Variants in ZNF564 observed in about 807,000 individuals in gnomAD.
ZNF564 encodes zinc finger protein 564.
In ZNF564, 5 loss-of-function variants were observed where a neutral mutation model predicts 10.5. The ratio of observed to expected loss-of-function variants is 0.48; its 90% CI spans 0.25 to 1.00. The LOEUF is 1.00. Among genes scored for constraint, ZNF564 ranks in the 50% least tolerant of loss-of-function variants. ZNF564 has a pLI of 0.16. For missense variants in ZNF564, 603 were observed against 669.7 expected, an observed-to-expected ratio of 0.90 and a Z score of 1.10; for synonymous variants, 242 against 218.1, an observed-to-expected ratio of 1.11 and a Z score of -0.97.
rs919091052 is a variant in ZNF564, at chr19:12,526,596, G to A, written c.1512C>T (p.Pro504=). ...TTTTTCCACATTGCTTACATTCATA[G>A]GGTTTTTCTCCGGTATGAGTTCTTT... ...IHERTHTGEK[P]YECKQCGKTF... Residue 504 remains proline (P), a synonymous_variant, in exon 4 of 4, where the codon CCC becomes CCT. Transcript: ENST00000339282. The A allele has an allele frequency of 3.7e-6, 6 of 1,614,092 alleles. No homozygotes were observed. Among genetic ancestry groups the A allele is most frequent in the Non-Finnish European group, 5.1e-6 (6 of 1,180,034 alleles).
intron 1 of ZNF564, among the ~76,000 whole-genome samples, chr19:12,542,238 G>A (rs1277292604): frequency 7.0e-6 from 1 of 142,950 alleles, no homozygotes; most frequent in Non-Finnish European, 1.5e-5. Flanking sequence ...GAACCGGGTA[G>A]GCAGAGGTTG....
In ZNF564 at chr19:12,531,193, CA is replaced by C. The variant is rs1221870650; in HGVS notation, c.4-2498del. Among the ~76,000 whole-genome samples, 57 of 152,226 alleles carry C rather than the reference CA, an allele frequency of 3.7e-4. 1 individual carries two copies. Among genetic ancestry groups the C allele is most frequent in the Non-Finnish European group, 1.5e-5 (1 of 68,004 alleles). On this transcript the variant is annotated intron_variant, in intron 1 of 3. Transcript: ENST00000339282. ...TGTAGCAGGAATAATGAATATCTAA[CA>C]ATGGTCAAAGTCTTCTGAAGAACAA...
intron 1 of ZNF564, among the ~76,000 whole-genome samples, chr19:12,542,161 T>A (rs958273697): frequency 2.0e-5 from 3 of 150,572 alleles, no homozygotes; most frequent in African/African-American, 7.3e-5. Flanking sequence ...ATACAAAAAT[T>A]AGCCGGGTAT....
Position 12,535,995 on chromosome 19 carries a change from G to C in ZNF564, c.4-7299C>G, listed in dbSNP as rs141816883. 9.7e-3 allele frequency among the ~76,000 whole-genome samples: 1,368 copies of C among 140,614 alleles called. 15 individuals carry two copies. The highest frequency in any genetic ancestry group is 0.084 in the Middle Eastern group (21 of 250). The allele number at this position is 140,614 out of a possible 152,430, so 92.2% of individuals were successfully genotyped here. A position where few individuals can be genotyped will look rare whatever the true frequency, so the allele number is the denominator to read the frequency against. The stretch of plus-strand genomic sequence containing the variant: ...GCGACTGCATTCCAGAGTGGCGACA[G>C]AGCGTGACTCCGTCTCAAAAAAAAA... On this transcript the variant is annotated intron_variant, in intron 1 of 3. Transcript: ENST00000339282.
chr19:12,528,018 C>T lies in ZNF564; in HGVS notation c.192-102G>A, dbSNP rs1347529660. On this transcript the variant is annotated intron_variant, in intron 3 of 3. Transcript: ENST00000339282. Reference sequence around the variant, plus strand: ...CATAATCGCGGAAAGGGTAAGTTTTCAGGCCTGTATGAATTGTTTGAAAGT... The same window carrying T: ...CATAATCGCGGAAAGGGTAAGTTTTTAGGCCTGTATGAATTGTTTGAAAGT... 15 of 1,307,652 alleles carry T rather than the reference C, an allele frequency of 1.1e-5. No individual in the cohort carries two copies. The Middle Eastern group carries it at 6.3e-4, about 55-fold the overall frequency. 81.0% of individuals were successfully genotyped at this position (1,307,652 alleles called of 1,614,324 possible). A position where few individuals can be genotyped will look rare whatever the true frequency, so the allele number is the denominator to read the frequency against.
intron 1 of ZNF564, among the ~76,000 whole-genome samples, chr19:12,532,306 C>T (rs1341986170): frequency 6.6e-6 from 1 of 151,450 alleles, no homozygotes; most frequent in Non-Finnish European, 1.5e-5. Context: ...GAGGCCAAGG[C>T]GGGCGGATCA....
At chr19:12,539,111 G>A (rs2021981778) in intron 1 of ZNF564, among the ~76,000 whole-genome samples, 1 of 151,464 alleles carries the variant, frequency 6.6e-6, no homozygotes, top group African/African-American at 2.4e-5. Context: ...GTGGGCGCCT[G>A]TAATCCCAGC....
At position 12,526,588 on chromosome 19, in the gene ZNF564, C is replaced by A; in HGVS notation, c.1520G>T (p.Cys507Phe). The stretch of plus-strand genomic sequence containing the variant: ...ACTGAACGTTTTTCCACATTGCTTA[C>A]ATTCATAGGGTTTTTCTCCGGTATG... ...RTHTGEKPYE[C>F]KQCGKTFSYS... The change falls in exon 4 of 4, where the codon TGT (cysteine) becomes TTT (phenylalanine). Residue 507 changes from cysteine to phenylalanine, a missense_variant. Transcript: ENST00000339282. The A allele has an allele frequency of 6.2e-7, 1 of 1,614,140 alleles. No individual in the cohort carries two copies.
intron 1 of ZNF564, among the ~76,000 whole-genome samples, chr19:12,543,006 A>C (rs2022086398): frequency 6.7e-6 from 1 of 148,848 alleles, no homozygotes; most frequent in Non-Finnish European, 1.5e-5. Context: ...CCACCACAAA[A>C]AAGAAAAGAA....
intron 1 of ZNF564, among the ~76,000 whole-genome samples, chr19:12,545,302 T>A (rs995620775): frequency 2.7e-5 from 4 of 146,214 alleles, no homozygotes; most frequent in African/African-American, 1.0e-4. Flanking sequence ...GAGGGAAACA[T>A]CCTGGGAGCT....
rs1482788061 is a variant in ZNF564, at chr19:12,526,589, A to G, written c.1519T>C (p.Cys507Arg). The change falls in exon 4 of 4, where the codon TGT (cysteine) becomes CGT (arginine). Residue 507 changes from cysteine (C) to arginine (R), a missense_variant. Cys to Arg is a radical substitution (Grantham distance 180). Transcript: ENST00000339282. The stretch of plus-strand genomic sequence containing the variant: ...CTGAACGTTTTTCCACATTGCTTAC[A>G]TTCATAGGGTTTTTCTCCGGTATGA... ...RTHTGEKPYECKQCGKTFSYS... is the reference protein window; with the variant it reads ...RTHTGEKPYERKQCGKTFSYS... 5 of 1,614,122 alleles carry G rather than the reference A, an allele frequency of 3.1e-6. No homozygotes were observed. The highest frequency in any genetic ancestry group is 3.4e-6 in the Non-Finnish European group (4 of 1,180,034).
At chr19:12,547,577 T>C (rs1029144145) in intron 1 of ZNF564, among the ~76,000 whole-genome samples, 5 of 152,154 alleles carry the variant, frequency 3.3e-5, no homozygotes, top group African/African-American at 1.2e-4. Flanking sequence ...GGTATCACCC[T>C]CCCAACTATG....
intron 1 of ZNF564, chr19:12,541,529 A>AT (rs2022048874): frequency 6.6e-6 from 1 of 151,232 alleles, no homozygotes; most frequent in African/African-American, 2.4e-5. Context: ...CAGCCTGGGG[A>AT]TGGAGACTCT....
Position 12,551,476 on chromosome 19 carries a change from G to A in ZNF564, c.-144C>T, listed in dbSNP as rs894695032. On this transcript the variant is annotated 5_prime_UTR_variant, in exon 1 of 4. Coordinates refer to ENST00000339282, the MANE Select transcript of ZNF564 (RefSeq NM_144976.4). ...ACCCAAACGCAGCGGACACGAAACAGGAAGACCCCGCGGAGTTGTTGAACA... is the reference window on the plus strand; with the variant it reads ...ACCCAAACGCAGCGGACACGAAACAAGAAGACCCCGCGGAGTTGTTGAACA... 1.6e-5 allele frequency: 22 copies of A among 1,414,466 alleles called. No homozygotes were observed. The highest frequency in any genetic ancestry group is 1.9e-5 in the Non-Finnish European group (21 of 1,087,484). 87.6% of individuals were successfully genotyped at this position (1,414,466 alleles called of 1,614,324 possible).
chr19:12,540,886 C>T (rs2022032332), intron 1 of ZNF564, among the ~76,000 whole-genome samples: 1 of 150,946 alleles, frequency 6.6e-6, no homozygotes, highest in South Asian at 2.1e-4. Flanking sequence ...GTGGCAGGCA[C>T]CTGTAGTCCC....
intron 1 of ZNF564, among the ~76,000 whole-genome samples, chr19:12,532,264 G>A (rs573391800): frequency 6.6e-6 from 1 of 151,450 alleles, no homozygotes; most frequent in South Asian, 2.1e-4. Flanking sequence ...GGCCGGGCGC[G>A]GTGGCTCACA....
chr19:12,538,929 T>A (rs1423283181), intron 1 of ZNF564, among the ~76,000 whole-genome samples: 1 of 151,824 alleles, frequency 6.6e-6, no homozygotes, highest in Non-Finnish European at 1.5e-5. Flanking sequence ...CGCAGTATGT[T>A]AAAAATAGGG....
In ZNF564 at chr19:12,525,605, T is replaced by C. The variant is rs2021666824; in HGVS notation, c.*841A>G. 1 of 152,266 alleles carries C rather than the reference T, an allele frequency of 6.6e-6. No individual in the cohort carries two copies. Among genetic ancestry groups the C allele is most frequent in the Non-Finnish European group, 1.5e-5 (1 of 68,052 alleles). 9.4% of individuals were successfully genotyped at this position (152,266 alleles called of 1,614,324 possible). On this transcript the variant is annotated 3_prime_UTR_variant, in exon 4 of 4. Transcript: ENST00000339282. The stretch of plus-strand genomic sequence containing the variant: ...ATGTCGAGCATTGTTACGTGCTTAT[T>C]GGCCATCTGGGTATCTTCTTTGGAG...
rs1253605224 is a variant in ZNF564, at chr19:12,527,754, A to G, written c.354T>C (p.Leu118=). ...CGKVFMHHSS[L]SRHIRSHLGH... is the part of the protein sequence containing the mutation. Reference sequence around the variant, plus strand: ...CAAGGTGAGATCTGATGTGCCTACTAAGGGATGAATGATGCATGAAGACTT... The same window carrying G: ...CAAGGTGAGATCTGATGTGCCTACTGAGGGATGAATGATGCATGAAGACTT... Residue 118 remains leucine (L), a synonymous_variant, in exon 4 of 4, where the codon CTT becomes CTC. Transcript: ENST00000339282. The G allele has an allele frequency of 6.2e-6, 10 of 1,614,078 alleles. No individual in the cohort carries two copies. Among genetic ancestry groups the G allele is most frequent in the Non-Finnish European group, 8.5e-6 (10 of 1,180,020 alleles).
Sources: allele counts gnomAD v4.1 joint callset (sites outside exome capture counted in the v4.1 genomes callset), GRCh38; gene constraint gnomAD v4.1.1; transcripts MANE v1.5; gene names NCBI Gene and HGNC (gene_info 2026-07-23, HGNC 2026-07-21).